Variants in RYR2 observed in about 807,000 individuals in gnomAD.
RYR2 encodes cardiac muscle ryanodine receptor-calcium release channel.
A neutral mutation model predicts 601.1 loss-of-function variants in RYR2; 227 were observed. The ratio of observed to expected loss-of-function variants is 0.38; its 90% CI spans 0.34 to 0.42. RYR2 has a LOEUF of 0.42. Among genes scored for constraint, RYR2 ranks in the 10% least tolerant of loss-of-function variants. The pLI, the probability that RYR2 is intolerant of heterozygous loss-of-function variation, is 1.00. For missense variants in RYR2, 4,646 were observed against 6,156.5 expected, an observed-to-expected ratio of 0.75 and a Z score of 8.21; for synonymous variants, 2,223 against 2,175.1, an observed-to-expected ratio of 1.02 and a Z score of -0.61.
At chr1:237,630,080 T>C (rs1415671661) in intron 41 of RYR2, among the ~76,000 whole-genome samples, 2 of 152,112 alleles carry the variant, frequency 1.3e-5, no homozygotes, top group Non-Finnish European at 2.9e-5. Flanking sequence ...TTCCAGAAAA[T>C]GGAGATCATA....
At chr1:237,329,532 C>T (rs1272862618) in intron 2 of RYR2, among the ~76,000 whole-genome samples, 1 of 151,690 alleles carries the variant, frequency 6.6e-6, no homozygotes, top group Non-Finnish European at 1.5e-5. Context: ...GTCCCAGCTA[C>T]TTGGGAGGCT....
At chr1:237,052,388 TA>T (rs1425622743) in intron 1 of RYR2, among the ~76,000 whole-genome samples, 1 of 152,048 alleles carries the variant, frequency 6.6e-6, no homozygotes, top group African/African-American at 2.4e-5. Flanking sequence ...TAAATGGTGG[TA>T]AAAGCAGAGA....
rs1659992696 is a variant in RYR2 at position 237,042,285 on chromosome 1, C to A, written c.-237C>A. ...CCCGCGTCCTCCGGGCCCGGGCCGC[C>A]CTCCTCCCGCACAGTGCGGAGCAGG... On this transcript the variant is annotated 5_prime_UTR_variant, in exon 1 of 105. Coordinates refer to ENST00000366574, the MANE Select transcript of RYR2 (RefSeq NM_001035.3). 2 of 224,678 alleles carry A rather than the reference C, an allele frequency of 8.9e-6. No homozygotes were observed. Among genetic ancestry groups the A allele is most frequent in the African/African-American group, 4.6e-5 (2 of 43,346 alleles). The allele number at this position is 224,678 out of a possible 1,614,324, so 13.9% of individuals were successfully genotyped here. A position where few individuals can be genotyped will look rare whatever the true frequency, so the allele number is the denominator to read the frequency against.
chr1:237,416,949 G>A (rs1376472592), intron 10 of RYR2, 100 bp from the exon 11 acceptor site: 8 of 921,756 alleles, frequency 8.7e-6, no homozygotes, highest in Non-Finnish European at 1.4e-5. Flanking sequence ...TTACTCACAG[G>A]CCATTTGCTT....
chr1:237,281,107 C>G lies in RYR2; in HGVS notation c.168+10491C>G, dbSNP rs542168358. ...GCCTCTTTTTAGTATTTTTAACATGCATTTATGCTGGTATCCAGTTAAGGT... is the reference window on the plus strand; with the variant it reads ...GCCTCTTTTTAGTATTTTTAACATGGATTTATGCTGGTATCCAGTTAAGGT... On this transcript the variant is annotated intron_variant, in intron 2 of 104. Coordinates refer to ENST00000366574, the MANE Select transcript of RYR2 (RefSeq NM_001035.3). Among the ~76,000 whole-genome samples the G allele has an allele frequency of 5.9e-5, 9 of 152,150 alleles. No homozygotes were observed. The South Asian group carries it at 1.9e-3, about 32-fold the overall frequency.
chr1:237,310,920 G>T (rs1010962132), intron 2 of RYR2, among the ~76,000 whole-genome samples: 1 of 152,142 alleles, frequency 6.6e-6, no homozygotes, highest in East Asian at 1.9e-4. Context: ...TATTTTGTTA[G>T]TAGAAGTTTC....
At chr1:237,604,919 G>A (rs1343922375) in intron 35 of RYR2, among the ~76,000 whole-genome samples, 3 of 152,108 alleles carry the variant, frequency 2.0e-5, no homozygotes, top group Non-Finnish European at 1.5e-5. Flanking sequence ...CTGACATTGA[G>A]GCAATAATTA....
Position 237,784,474 on chromosome 1 carries a change from C to A in RYR2, c.12762C>A (p.Thr4254=), listed in dbSNP as rs1695386853. ...TTGCGCTCAGGTACAATATCTTGAC[C>A]CTTATGCGAATGCTCAGTCTGAAGA... ...ALFALRYNIL[T]LMRMLSLKSL... is the part of the protein sequence containing the mutation. Residue 4254 remains threonine, a synonymous_variant, in exon 90 of 105, where the codon ACC becomes ACA. Coordinates refer to ENST00000366574, the MANE Select transcript of RYR2 (RefSeq NM_001035.3). This position sits in a 1 kb window ranked among gnomAD's most constrained non-coding sequence, Gnocchi z 7.1. 7 of 1,613,428 alleles carry A rather than the reference C, an allele frequency of 4.3e-6. No homozygotes were observed. Among genetic ancestry groups the A allele is most frequent in the Non-Finnish European group, 5.9e-6 (7 of 1,179,670 alleles).
chr1:237,449,677 G>A (rs1298577257), intron 14 of RYR2, among the ~76,000 whole-genome samples: 1 of 151,580 alleles, frequency 6.6e-6, no homozygotes, highest in Non-Finnish European at 1.5e-5. Context: ...AGACTCTTTT[G>A]GCTTTTGTAC....
intron 57 of RYR2, 147 bp downstream of exon 57, chr1:237,666,736 TAA>T: frequency 1.5e-6 from 1 of 652,448 alleles, no homozygotes; most frequent in South Asian, 2.0e-5. Flanking sequence ...TTATATACTC[TAA>T]TTTTTTAATG....
chr1:237,127,507 G>A (rs1275652996), intron 1 of RYR2, among the ~76,000 whole-genome samples: 26 of 147,840 alleles, frequency 1.8e-4, no homozygotes, highest in Admixed American at 1.2e-3. Flanking sequence ...CTGGCCGGGC[G>A]GGGGGCTGAT....
intron 10 of RYR2, among the ~76,000 whole-genome samples, chr1:237,396,334 G>A (rs1051121576): frequency 6.6e-6 from 1 of 152,122 alleles, no homozygotes; most frequent in African/African-American, 2.4e-5. Context: ...TCTACATACG[G>A]GAAGAGTCTC....
At chr1:237,626,580 CTTTTTTTTT>C (rs60885998) in intron 40 of RYR2, among the ~76,000 whole-genome samples, 168 of 40,046 alleles carry the variant, frequency 4.2e-3, no homozygotes, top group African/African-American at 0.016. Context: ...TTTTCTTTTT[CTTTTTTTTT>C]TTTTTTTTTT....
intron 33 of RYR2, among the ~76,000 whole-genome samples, chr1:237,593,981 T>A (rs1008685136): frequency 5.3e-5 from 8 of 152,200 alleles, no homozygotes; most frequent in African/African-American, 1.9e-4. Context: ...TGACTTGATA[T>A]AGATTTCGGG....
chr1:237,103,681 G>T (rs945618095), intron 1 of RYR2, among the ~76,000 whole-genome samples: 3 of 152,200 alleles, frequency 2.0e-5, no homozygotes, highest in Admixed American at 1.3e-4. Flanking sequence ...TGATTCTCCT[G>T]CCTCAGCCTC....
intron 1 of RYR2, among the ~76,000 whole-genome samples, chr1:237,143,601 C>T (rs1019551860): frequency 5.9e-5 from 9 of 152,098 alleles, no homozygotes; most frequent in African/African-American, 9.7e-5. Context: ...TGGAGTCTCC[C>T]GTGGCCCCCT....
At chr1:237,416,399 A>G (rs1283869980) in intron 10 of RYR2, among the ~76,000 whole-genome samples, 1 of 152,248 alleles carries the variant, frequency 6.6e-6, no homozygotes, top group African/African-American at 2.4e-5. Context: ...GGATACTTAC[A>G]GCAATTACTT....
At chr1:237,574,865 T>C (rs1313295865) in intron 29 of RYR2, among the ~76,000 whole-genome samples, 1 of 152,216 alleles carries the variant, frequency 6.6e-6, no homozygotes, top group Non-Finnish European at 1.5e-5. Context: ...TATATCCTTG[T>C]GAAACCCTGA....
intron 8 of RYR2, among the ~76,000 whole-genome samples, 189 bp downstream of exon 8, chr1:237,377,624 T>C (rs1429278999): frequency 6.6e-6 from 1 of 152,246 alleles, no homozygotes; most frequent in African/African-American, 2.4e-5. Flanking sequence ...CAAATATAGC[T>C]TATCAGGTTG....
Sources: allele counts gnomAD v4.1 joint callset (sites outside exome capture counted in the v4.1 genomes callset), GRCh38; gene constraint gnomAD v4.1.1; non-coding constraint Gnocchi (gnomAD v3.1); transcripts MANE v1.5; gene names NCBI Gene and HGNC (gene_info 2026-07-23, HGNC 2026-07-21).